Variants in MTIF2 observed in about 807,000 individuals in gnomAD.
The protein encoded by MTIF2 is translation initiation factor IF-2, mitochondrial.
MTIF2 carries 71 observed loss-of-function variants against 83.5 expected under a neutral mutation model. The observed-to-expected ratio is 0.85, with a 90% CI of 0.70 to 1.04. The LOEUF (loss-of-function observed/expected upper bound fraction) is 1.04, where lower values mean the gene tolerates loss of function less well. MTIF2 is among the 50% of genes least tolerant of loss of function. MTIF2 has a pLI of 0.00. For missense variants in MTIF2, 957 were observed against 846.5 expected, an observed-to-expected ratio of 1.13 and a Z score of -1.62; for synonymous variants, 319 against 287.1, an observed-to-expected ratio of 1.11 and a Z score of -1.12.
chr2:55,263,724 TGTCCACACA>T lies in MTIF2; in HGVS notation c.126_134del (p.Val43_Thr45del), dbSNP rs1200843124. 1.9e-6 allele frequency: 3 copies of T among 1,614,214 alleles called. No homozygotes were observed. Among genetic ancestry groups the T allele is most frequent in the Non-Finnish European group, 1.7e-6 (2 of 1,180,034 alleles). On this transcript the variant is annotated inframe_deletion, in exon 4 of 16. Transcript: ENST00000263629. Reference sequence around the variant, plus strand: ...GCCAGGGCCAGGCACACAGTTGAGCTGTCCACACAGGGTAAGCAGATGAAAACCCATGCC... The same window carrying T: ...GCCAGGGCCAGGCACACAGTTGAGCTGGGTAAGCAGATGAAAACCCATGCC...
intron 11 of MTIF2, 39 bp from the exon 12 acceptor site, chr2:55,243,707 A>G: frequency 1.3e-6 from 2 of 1,592,722 alleles, no homozygotes; most frequent in Non-Finnish European, 1.7e-6. Context: ...TGAAATAGAC[A>G]TCAATAACTG....
chr2:55,256,127 G>A (rs1257320308), intron 5 of MTIF2, among the ~76,000 whole-genome samples: 3 of 152,090 alleles, frequency 2.0e-5, no homozygotes, highest in East Asian at 1.9e-4. Flanking sequence ...CGCCTGCCTC[G>A]GCCTCCCAGA....
rs370021812 is a variant in MTIF2 at position 55,249,378 on chromosome 2, G to A, written c.981+17C>T. ...CATTCCCATCCAGGCATATTTATATGAGGTCCCCGCATTTACCGTAAGTGC... is the reference window on the plus strand; with the variant it reads ...CATTCCCATCCAGGCATATTTATATAAGGTCCCCGCATTTACCGTAAGTGC... On this transcript the variant is annotated intron_variant, in intron 9 of 15. Transcript: ENST00000263629. 9.7e-5 allele frequency: 157 copies of A among 1,612,430 alleles called. No individual in the cohort carries two copies. Among genetic ancestry groups the A allele is most frequent in the Non-Finnish European group, 1.2e-4 (140 of 1,179,394 alleles).
At chr2:55,264,269 G>C (rs748869164) in intron 3 of MTIF2, among the ~76,000 whole-genome samples, 15 of 152,148 alleles carry the variant, frequency 9.9e-5, no homozygotes, top group African/African-American at 3.6e-4. Context: ...CTATCATCCA[G>C]GCTGGAGGCT....
intron 5 of MTIF2, among the ~76,000 whole-genome samples, chr2:55,255,072 A>G (rs537330833): frequency 1.3e-5 from 2 of 152,102 alleles, no homozygotes; most frequent in African/African-American, 4.8e-5. Context: ...ATTCTAAGCC[A>G]TCTGAATCAT....
chr2:55,237,480 T>TA (rs572263682), intron 14 of MTIF2, 52 bp from the exon 15 acceptor site: 51 of 1,513,402 alleles, frequency 3.4e-5, no homozygotes, highest in Non-Finnish European at 4.4e-5. Flanking sequence ...TTCTGATAAA[T>TA]ACGTAATTTC....
chr2:55,267,274 A>G (rs1409697020), intron 3 of MTIF2, among the ~76,000 whole-genome samples: 2 of 151,906 alleles, frequency 1.3e-5, no homozygotes, highest in Non-Finnish European at 2.9e-5. Context: ...CTCCTGCCTC[A>G]GCCTCCCAAG....
rs749422080 is a variant in MTIF2 at position 55,243,066 on chromosome 2, A to C, written c.1579T>G (p.Ser527Ala). The C allele has an allele frequency of 6.2e-7, 1 of 1,604,326 alleles. No homozygotes were observed. Among genetic ancestry groups the C allele is most frequent in the East Asian group, 2.2e-5 (1 of 44,638 alleles). ...SVIIKGDVDG[S>A]VEAILNIIDT... ...ATAATGTTCAAAATGGCCTCAACAGAACCATCAACATCACCTAAATACAGA... is the reference window on the plus strand; with the variant it reads ...ATAATGTTCAAAATGGCCTCAACAGCACCATCAACATCACCTAAATACAGA... Residue 527 changes from serine (S) to alanine (A), a missense_variant, in exon 13 of 16, where the codon TCT (serine) becomes GCT (alanine). This residue lies in a region of MTIF2 where 733 missense variants were observed against 648.7 expected (regional missense o/e 1.13). Coordinates refer to ENST00000263629, the MANE Select transcript of MTIF2 (RefSeq NM_002453.3).
At chr2:55,264,356 C>T (rs1171050346) in intron 3 of MTIF2, among the ~76,000 whole-genome samples, 4 of 152,166 alleles carry the variant, frequency 2.6e-5, no homozygotes, top group Non-Finnish European at 5.9e-5. Flanking sequence ...CTCAGCCTCC[C>T]TAATAGCTGG....
intron 9 of MTIF2, among the ~76,000 whole-genome samples, chr2:55,247,732 T>C (rs1294457239): frequency 1.3e-5 from 2 of 152,102 alleles, no homozygotes; most frequent in Non-Finnish European, 2.9e-5. Flanking sequence ...TTATATATCT[T>C]GGAAAAGAAG....
chr2:55,258,795 G>A (rs189355068), intron 5 of MTIF2, among the ~76,000 whole-genome samples: 78 of 138,402 alleles, frequency 5.6e-4, no homozygotes, highest in East Asian at 3.0e-3. Flanking sequence ...CTAGGTGACA[G>A]AGCAAGCCTC....
In MTIF2 at chr2:55,237,414, G is replaced by C. The variant is rs1250481666; in HGVS notation, c.1885C>G (p.Leu629Val). The change falls in exon 15 of 16, where the codon CTA becomes GTA. Residue 629 changes from leucine to valine, a missense_variant. Transcript: ENST00000263629. ...CCTTCTGTTACAGAGAAGGTAGCTA[G>C]TATAGATGCCTCACCTTTAGGAAGA... is the stretch of plus-strand genomic sequence containing the variant. Reference protein sequence around the residue: ...EEHPVGEASILATFSVTEGKK... With the variant: ...EEHPVGEASIVATFSVTEGKK... The C allele has an allele frequency of 1.2e-6, 2 of 1,610,702 alleles. No individual in the cohort carries two copies. Among genetic ancestry groups the C allele is most frequent in the South Asian group, 2.2e-5 (2 of 90,546 alleles).
In MTIF2 at chr2:55,244,010, G is replaced by A; in HGVS notation, c.1311+19C>T. The A allele has an allele frequency of 6.3e-7, 1 of 1,582,704 alleles. No individual in the cohort carries two copies. The highest frequency in any genetic ancestry group is 8.6e-7 in the Non-Finnish European group (1 of 1,156,672). On this transcript the variant is annotated intron_variant, in intron 11 of 15. Coordinates refer to ENST00000263629, the MANE Select transcript of MTIF2 (RefSeq NM_002453.3). The stretch of plus-strand genomic sequence containing the variant: ...ATCATTATATTATATCTAATATATA[G>A]GAATTAAGCTTGATACACCTCAGAT...
intron 5 of MTIF2, among the ~76,000 whole-genome samples, chr2:55,258,667 C>T (rs987774542): frequency 1.3e-5 from 2 of 151,994 alleles, no homozygotes; most frequent in Non-Finnish European, 2.9e-5. Flanking sequence ...CAGAAATTAG[C>T]CAGGCGTGGT....
chr2:55,267,859 A>ATGTG (rs1476401211), intron 2 of MTIF2: 1 of 152,206 alleles, frequency 6.6e-6, no homozygotes, highest in Admixed American at 6.5e-5. Flanking sequence ...GAGGTTGTGT[A>ATGTG]TGTGTGTGTA....
At chr2:55,262,292 G>A (rs1678064109) in intron 5 of MTIF2, 24 bp downstream of exon 5, 2 of 1,493,372 alleles carry the variant, frequency 1.3e-6, no homozygotes, top group Admixed American at 1.7e-5. Context: ...CCCATATTTT[G>A]CTTTGTAAAA....
chr2:55,259,969 C>T (rs1400222535), intron 5 of MTIF2, among the ~76,000 whole-genome samples: 1 of 152,060 alleles, frequency 6.6e-6, no homozygotes, highest in Non-Finnish European at 1.5e-5. Context: ...AAAATCAAGC[C>T]TATTATCAAT....
intron 11 of MTIF2, 101 bp from the exon 12 acceptor site, chr2:55,243,769 G>T: frequency 8.2e-7 from 1 of 1,217,812 alleles, no homozygotes; most frequent in Non-Finnish European, 1.1e-6. Flanking sequence ...CTTAACTCAT[G>T]TATGAAACTA....
At chr2:55,265,037 G>A (rs1678323762) in intron 3 of MTIF2, among the ~76,000 whole-genome samples, 1 of 151,968 alleles carries the variant, frequency 6.6e-6, no homozygotes, top group South Asian at 2.1e-4. Context: ...CAGGTCAGGA[G>A]TTCGAGACTA....
Sources: gnomAD v4.1 joint callset for allele counts (sites outside exome capture counted in the v4.1 genomes callset) on GRCh38, gnomAD v4.1.1 for gene constraint, gnomAD v4.1.1 regional missense constraint, MANE v1.5 for transcripts, NCBI Gene and HGNC (gene_info 2026-07-23, HGNC 2026-07-21) for gene names.